CPLANE1: variants seen among roughly 807,000 people sequenced by gnomAD.
CPLANE1 encodes the protein ciliogenesis and planar polarity effector 1.
CPLANE1 carries 263 observed loss-of-function variants against 362.5 expected under a neutral mutation model. That is an observed-to-expected ratio of 0.73 (90% CI 0.66 to 0.80). The LOEUF is 0.80. Among genes scored for constraint, CPLANE1 ranks in the 30% least tolerant of loss-of-function variants. The pLI is 0.00. For synonymous variants in CPLANE1, 1,212 were observed against 1,302.6 expected (o/e 0.93, Z 1.50); for missense variants, 3,461 against 3,793.4 (o/e 0.91, Z 2.30).
chr5:37,186,421 T>G, intron 23 of CPLANE1, 27 bp from the exon 24 acceptor site: 1 of 976,994 alleles, frequency 1.0e-6, no homozygotes, highest in Non-Finnish European at 1.6e-6. Flanking sequence ...GTTTAAGTTT[T>G]ATGAGAAACA....
chr5:37,089,736 C>G, the CPLANE1 span, among the ~76,000 whole-genome samples: 14 of 152,260 alleles, frequency 9.2e-5, no homozygotes, highest in East Asian at 2.1e-3. Flanking sequence ...TATGATTCCC[C>G]TAGCAGAACA....
At chr5:37,098,252 C>A in the CPLANE1 span, among the ~76,000 whole-genome samples, 4 of 151,792 alleles carry the variant, frequency 2.6e-5, no homozygotes, top group Non-Finnish European at 4.4e-5. Context: ...AGTACCTGGG[C>A]ATGGTGGCAG....
At position 37,183,464 on chromosome 5, in the gene CPLANE1, C is replaced by G; in HGVS notation, c.4717G>C (p.Asp1573His). ...GAAAAACTAGTTAGAAATGGAATGT[C>G]AGCATCCCTGGAATAAGGTAGGTCT... ...ERDLPYSRDA[D>H]IPFLTSFSGK... is the part of the protein sequence containing the mutation. The change falls in exon 26 of 53, where the codon GAC becomes CAC. Residue 1573 changes from aspartate (D) to histidine (H), a missense_variant. Physicochemically the swap from Asp to His is moderately conservative, Grantham distance 81. Around this residue, in one of 2 missense-constraint regions of CPLANE1, gnomAD observed 3,380 missense variants for 3,666.1 expected, o/e 0.92. Coordinates refer to ENST00000651892, the MANE Select transcript of CPLANE1 (RefSeq NM_001384732.1). 5 of 1,613,372 alleles carry G rather than the reference C, an allele frequency of 3.1e-6. No individual in the cohort carries two copies. Among genetic ancestry groups the G allele is most frequent in the Non-Finnish European group, 3.4e-6 (4 of 1,179,484 alleles).
At chr5:37,162,707 T>C (rs1265509123) in intron 37 of CPLANE1, 141 bp from the exon 38 acceptor site, 6 of 528,586 alleles carry the variant, frequency 1.1e-5, no homozygotes, top group Admixed American at 3.3e-5. Flanking sequence ...TGAGATGGAG[T>C]CTGGCTCTGC....
intron 46 of CPLANE1, among the ~76,000 whole-genome samples, chr5:37,127,704 C>T (rs1354997296): frequency 3.3e-5 from 5 of 151,578 alleles, no homozygotes; most frequent in African/African-American, 7.3e-5. Context: ...TTAGTAGAAA[C>T]GGGGTTTCAC....
chr5:37,095,065 C>A, the CPLANE1 span, among the ~76,000 whole-genome samples: 11 of 152,086 alleles, frequency 7.2e-5, no homozygotes, highest in Admixed American at 7.2e-4. Context: ...AAGAAGGAAC[C>A]CTCCTAAGTC....
At chr5:37,119,768 C>T (rs543388464) in intron 50 of CPLANE1, among the ~76,000 whole-genome samples, 2 of 151,564 alleles carry the variant, frequency 1.3e-5, no homozygotes, top group Non-Finnish European at 2.9e-5. Context: ...GGTGGATCAC[C>T]AGGTCAGGAG....
chr5:37,242,138 A>G (rs1800674457), intron 6 of CPLANE1, among the ~76,000 whole-genome samples: 1 of 151,716 alleles, frequency 6.6e-6, no homozygotes, highest in South Asian at 2.1e-4. Flanking sequence ...GGCAGATCAC[A>G]AGGTCAGTAG....
intron 5 of CPLANE1, among the ~76,000 whole-genome samples, chr5:37,244,052 G>T (rs1738644576): frequency 6.6e-6 from 1 of 151,816 alleles, no homozygotes; most frequent in Non-Finnish European, 1.5e-5. Flanking sequence ...GTTTCTCCAT[G>T]TTGGTCAGGC....
intron 32 of CPLANE1, 141 bp from the exon 33 acceptor site, chr5:37,170,472 C>G: frequency 2.3e-6 from 2 of 883,548 alleles, no homozygotes; most frequent in South Asian, 2.2e-5. Context: ...GAGCAGGAGG[C>G]AGTCAGGGAA....
At chr5:37,133,385 A>G (rs1766569977) in intron 46 of CPLANE1, among the ~76,000 whole-genome samples, 1 of 151,986 alleles carries the variant, frequency 6.6e-6, no homozygotes, top group Non-Finnish European at 1.5e-5. Context: ...TTTTAAGGAT[A>G]TTGATTCTTC....
chr5:37,125,271 ATGTTC>A lies in CPLANE1; in HGVS notation c.8926_8930del (p.Glu2976Ter). On this transcript the variant is annotated frameshift_variant, in exon 47 of 53. Coordinates refer to ENST00000651892, the MANE Select transcript of CPLANE1 (RefSeq NM_001384732.1). LOFTEE classifies it high-confidence loss of function. ...GATTGCTTCTGGGACAGAAAGGATC[ATGTTC>A]TTGCCCTCTCTTTTCTGCCAGCTCA... 6.2e-7 allele frequency: 1 copy of A among 1,613,922 alleles called. No individual in the cohort carries two copies. Among genetic ancestry groups the A allele is most frequent in the Non-Finnish European group, 8.5e-7 (1 of 1,179,960 alleles).
chr5:37,150,760 C>G (rs1218415061), intron 42 of CPLANE1, among the ~76,000 whole-genome samples: 1 of 152,162 alleles, frequency 6.6e-6, no homozygotes, highest in East Asian at 1.9e-4. Context: ...ATCAGTGGAC[C>G]TGGTATAGAG....
chr5:37,206,810 C>T (rs1007337342), intron 16 of CPLANE1, among the ~76,000 whole-genome samples: 4 of 151,934 alleles, frequency 2.6e-5, no homozygotes, highest in African/African-American at 9.7e-5. Flanking sequence ...CAATTTATTA[C>T]CGTGACATGG....
In CPLANE1 at chr5:37,183,717, A is replaced by G; in HGVS notation, c.4482-18T>C. The G allele has an allele frequency of 6.8e-7, 1 of 1,479,478 alleles. No homozygotes were observed. The highest frequency in any genetic ancestry group is 9.1e-7 in the Non-Finnish European group (1 of 1,098,628). The allele number at this position is 1,479,478 out of a possible 1,614,324, so 91.6% of individuals were successfully genotyped here. ...GGGCATTTCTATAGCAAAAAAATAAAATAAGACAAAATTAGAGATCATTTA... is the reference window on the plus strand; with the variant it reads ...GGGCATTTCTATAGCAAAAAAATAAGATAAGACAAAATTAGAGATCATTTA... On this transcript the variant is annotated intron_variant, in intron 25 of 52. Coordinates refer to ENST00000651892, the MANE Select transcript of CPLANE1 (RefSeq NM_001384732.1).
intron 8 of CPLANE1, among the ~76,000 whole-genome samples, chr5:37,233,335 C>A (rs13177573): frequency 0.18 from 27,215 of 151,994 alleles, 2,857 homozygotes; most frequent in East Asian, 0.34. Context: ...GAGATGTGAG[C>A]AGGCTGCACT....
chr5:37,206,407 A>G lies in CPLANE1; in HGVS notation c.2939T>C (p.Ile980Thr), dbSNP rs1160747089. 11 of 1,551,176 alleles carry G rather than the reference A, an allele frequency of 7.1e-6. No homozygotes were observed. Among genetic ancestry groups the G allele is most frequent in the South Asian group, 2.4e-5 (2 of 84,044 alleles). Residue 980 changes from isoleucine to threonine, a missense_variant, in exon 17 of 53, where the codon ATT becomes ACT. Ile to Thr is a moderately conservative substitution (Grantham distance 89). Around this residue, in one of 2 missense-constraint regions of CPLANE1, gnomAD observed 3,380 missense variants for 3,666.1 expected, o/e 0.92. Transcript: ENST00000651892. ...HIKTEQSFRL[I>T]PLQHSKVASV... The stretch of plus-strand genomic sequence containing the variant: ...GGCCACCTTAGAGTGTTGCAGAGGA[A>G]TAAGTCGAAAGGACTGCTCTGTGAG...
the CPLANE1 span, among the ~76,000 whole-genome samples, chr5:37,083,784 C>T: frequency 9.9e-5 from 15 of 152,100 alleles, no homozygotes; most frequent in African/African-American, 2.7e-4. Context: ...TAATGTTAAA[C>T]GAAACCATTC....
At chr5:37,101,829 G>A (rs1020760825), downstream of CPLANE1, among the ~76,000 whole-genome samples, 7 of 152,096 alleles carry the variant, frequency 4.6e-5, no homozygotes, top group African/African-American at 1.7e-4. Flanking sequence ...TCAGTCTTGG[G>A]AGGGTGTATA....
Sources: allele counts gnomAD v4.1 joint callset (sites outside exome capture counted in the v4.1 genomes callset), GRCh38; gene constraint gnomAD v4.1.1; regional missense constraint gnomAD v4.1.1; transcripts MANE v1.5; gene names NCBI Gene and HGNC (gene_info 2026-07-23, HGNC 2026-07-21).